Variants in NUSAP1 observed in about 807,000 individuals in gnomAD.
The protein encoded by NUSAP1 is nucleolar and spindle associated protein 1.
NUSAP1 carries 32 observed loss-of-function variants against 52.8 expected under a neutral mutation model. The ratio of observed to expected loss-of-function variants is 0.61; its 90% CI spans 0.46 to 0.81. NUSAP1 has a LOEUF of 0.81. Ranked by LOEUF, NUSAP1 falls within the 40% of genes least tolerant of loss-of-function variation. The pLI is 0.00. For synonymous variants in NUSAP1, 195 were observed against 183.1 expected, an observed-to-expected ratio of 1.06 and a Z score of -0.52; for missense variants, 499 against 522.3, an observed-to-expected ratio of 0.96 and a Z score of 0.43.
At chr15:41,349,730 T>G (rs940169694) in intron 3 of NUSAP1, among the ~76,000 whole-genome samples, 1 of 151,902 alleles carries the variant, frequency 6.6e-6, no homozygotes, top group Admixed American at 6.6e-5. Context: ...AAATGTAATT[T>G]TTACAAAGCA....
intron 2 of NUSAP1, 119 bp from the exon 3 acceptor site, chr15:41,348,979 A>G: frequency 2.1e-6 from 2 of 964,216 alleles, no homozygotes; most frequent in Middle Eastern, 2.7e-4. Context: ...ACCGCTAGAG[A>G]GTTTTAAATT....
At chr15:41,343,021 T>C (rs148520879) in intron 2 of NUSAP1, 1 of 152,380 alleles carries the variant, frequency 6.6e-6, no homozygotes, top group Non-Finnish European at 1.5e-5. Context: ...AGTTGCCAAG[T>C]ACTACGAGAG....
intron 3 of NUSAP1, chr15:41,349,518 G>A (rs955319552): frequency 9.6e-5 from 27 of 281,908 alleles, no homozygotes; most frequent in African/African-American, 5.3e-4. Context: ...GGTGTAGTAG[G>A]TAGGAAGGAA....
At position 41,342,516 on chromosome 15, in the gene NUSAP1, C is replaced by T. The variant is rs558065166; in HGVS notation, c.162+62C>T. 3.1e-4 allele frequency: 366 copies of T among 1,178,542 alleles called. 3 individuals are homozygous for T. In the South Asian group the frequency reaches 4.7e-3, roughly 15 times the overall value. 73.0% of individuals were successfully genotyped at this position (1,178,542 alleles called of 1,614,324 possible). A position where few individuals can be genotyped will look rare whatever the true frequency, so the allele number is the denominator to read the frequency against. ...AAAATAATCATATTTGGTTAATGGG[C>T]AATTAACACACAACTAGTGATGATT... On this transcript the variant is annotated intron_variant, in intron 2 of 10. Coordinates refer to ENST00000559596, the MANE Select transcript of NUSAP1 (RefSeq NM_016359.5).
intron 1 of NUSAP1, among the ~76,000 whole-genome samples, chr15:41,337,006 T>TTTC (rs2048180337): frequency 7.5e-6 from 1 of 132,848 alleles, no homozygotes; most frequent in Non-Finnish European, 1.6e-5. Flanking sequence ...TTTCTTTTTT[T>TTTC]TTTTTTTTTT....
chr15:41,351,010 T>A lies in NUSAP1; in HGVS notation c.329T>A (p.Ile110Lys), dbSNP rs2048758413. The change falls in exon 4 of 11, where the codon ATA (isoleucine) becomes AAA (lysine). Residue 110 changes from isoleucine to lysine, a missense_variant. Transcript: ENST00000559596. ...DSQQNHSEIKISNPTEFQNHE... is the reference protein window; with the variant it reads ...DSQQNHSEIKKSNPTEFQNHE... ...TAGCAGAATCATTCAGAGATAAAAA[T>A]AAGTAATCCCACTGAATTCCAGAAT... 7 of 1,610,370 alleles carry A rather than the reference T, an allele frequency of 4.3e-6. No individual in the cohort carries two copies. Among genetic ancestry groups the A allele is most frequent in the Non-Finnish European group, 5.9e-6 (7 of 1,178,754 alleles).
intron 5 of NUSAP1, 60 bp downstream of exon 5, chr15:41,356,200 G>T (rs1294320042): frequency 3.3e-6 from 3 of 917,564 alleles, no homozygotes; most frequent in Non-Finnish European, 5.2e-6. Flanking sequence ...AATGATGTTG[G>T]ACTGTAACAG....
intron 9 of NUSAP1, among the ~76,000 whole-genome samples, chr15:41,376,501 C>G (rs997908981): frequency 1.3e-4 from 20 of 150,188 alleles, no homozygotes; most frequent in Non-Finnish European, 1.0e-4. Flanking sequence ...TCCTGGCTAA[C>G]ACATTGAAAC....
intron 6 of NUSAP1, among the ~76,000 whole-genome samples, chr15:41,360,883 C>G (rs2049148139): frequency 6.6e-6 from 1 of 151,620 alleles, no homozygotes; most frequent in Non-Finnish European, 1.5e-5. Context: ...CAACCTGCAC[C>G]TCCCGGGTTC....
chr15:41,357,874 ATCT>A (rs976955019), intron 5 of NUSAP1, among the ~76,000 whole-genome samples: 1 of 152,204 alleles, frequency 6.6e-6, no homozygotes, highest in African/African-American at 2.4e-5. Flanking sequence ...GAGAAGATAA[ATCT>A]TCTACTCTAA....
intron 6 of NUSAP1, among the ~76,000 whole-genome samples, chr15:41,358,649 C>A (rs968743104): frequency 4.6e-5 from 7 of 152,128 alleles, no homozygotes; most frequent in Non-Finnish European, 1.0e-4. Context: ...GCAGGAGAAT[C>A]ACTTGAACCA....
At chr15:41,370,209 G>A (rs529411580) in intron 7 of NUSAP1, among the ~76,000 whole-genome samples, 18 of 151,514 alleles carry the variant, frequency 1.2e-4, no homozygotes, top group Admixed American at 1.1e-3. Flanking sequence ...GTGAAACCCC[G>A]TCTCTACTAA....
At chr15:41,369,229 AT>A (rs897591476) in intron 7 of NUSAP1, among the ~76,000 whole-genome samples, 5 of 150,574 alleles carry the variant, frequency 3.3e-5, no homozygotes, top group East Asian at 1.9e-4. Context: ...TTTTAATCAG[AT>A]TTTTTTTTTC....
At chr15:41,372,288 T>C (rs908309696) in intron 8 of NUSAP1, among the ~76,000 whole-genome samples, 1 of 152,118 alleles carries the variant, frequency 6.6e-6, no homozygotes, top group Non-Finnish European at 1.5e-5. Context: ...ACAGTATTCG[T>C]TGCAGCCTCG....
chr15:41,363,885 C>T (rs1025736282), intron 6 of NUSAP1, among the ~76,000 whole-genome samples: 5 of 152,128 alleles, frequency 3.3e-5, no homozygotes, highest in Non-Finnish European at 5.9e-5. Context: ...GCATTTATTT[C>T]CTTCCCTCTT....
At chr15:41,368,590 G>GTAA (rs2049516592) in intron 7 of NUSAP1, among the ~76,000 whole-genome samples, 2 of 152,054 alleles carry the variant, frequency 1.3e-5, no homozygotes, top group South Asian at 4.1e-4. Flanking sequence ...ATAGATCAAA[G>GTAA]TCTTCAGATT....
At chr15:41,358,690 C>T (rs560411766) in intron 6 of NUSAP1, among the ~76,000 whole-genome samples, 15 of 152,176 alleles carry the variant, frequency 9.9e-5, no homozygotes, top group Middle Eastern at 3.4e-3. Flanking sequence ...GCTGAGATCG[C>T]GCCACTGCAC....
Position 41,380,302 on chromosome 15 carries a change from C to G in NUSAP1, c.*116C>G, listed in dbSNP as rs570858603. ...ACGAGATCTTTTTCTGCTAACTGTT[C>G]ATAGTCTGTGTAGTGTCCATGGGTT... On this transcript the variant is annotated 3_prime_UTR_variant, in exon 11 of 11. Transcript: ENST00000559596. 117 of 675,750 alleles carry G rather than the reference C, an allele frequency of 1.7e-4. No individual in the cohort carries two copies. The highest frequency in any genetic ancestry group is 4.7e-4 in the Admixed American group (18 of 38,370). The allele number at this position is 675,750 out of a possible 1,614,324, so 41.9% of individuals were successfully genotyped here. A position where few individuals can be genotyped will look rare whatever the true frequency, so the allele number is the denominator to read the frequency against.
intron 9 of NUSAP1, 22 bp from the exon 10 acceptor site, chr15:41,377,174 C>T (rs762902932): frequency 4.3e-5 from 52 of 1,223,058 alleles, no homozygotes; most frequent in Non-Finnish European, 5.4e-5. Flanking sequence ...TTTTAAAATT[C>T]TTTGTCTCTG....
Sources: allele counts gnomAD v4.1 joint callset (sites outside exome capture counted in the v4.1 genomes callset), GRCh38; gene constraint gnomAD v4.1.1; transcripts MANE v1.5; gene names NCBI Gene and HGNC (gene_info 2026-07-23, HGNC 2026-07-21).